The following TRUB1 variants were observed in gnomAD, a reference collection of about 807,000 sequenced individuals.
TRUB1 encodes pseudouridylate synthase TRUB1.
In TRUB1, 23 loss-of-function variants were observed where a neutral mutation model predicts 33.9. The observed-to-expected ratio is 0.68, with a 90% CI of 0.49 to 0.96. The LOEUF (loss-of-function observed/expected upper bound fraction) is 0.96, where lower values mean the gene tolerates loss of function less well. TRUB1 is among the 40% of genes least tolerant of loss of function. TRUB1 has a pLI of 0.00. For missense variants in TRUB1, 378 were observed against 422.2 expected (o/e 0.90, Z 0.92); for synonymous variants, 163 against 165.4 (o/e 0.99, Z 0.11).
At position 114,956,912 on chromosome 10, in the gene TRUB1, G is replaced by T. The variant is rs769556958; in HGVS notation, c.442-2814G>T. On this transcript the variant is annotated intron_variant, in intron 3 of 7. Coordinates refer to ENST00000298746, the MANE Select transcript of TRUB1 (RefSeq NM_139169.5). ...AAAGCAAAATGTTTGAGAACATTTTGATTTGATTTGATTTGAGAATGTTGA... is the reference window on the plus strand; with the variant it reads ...AAAGCAAAATGTTTGAGAACATTTTTATTTGATTTGATTTGAGAATGTTGA... 5.9e-4 allele frequency among the ~76,000 whole-genome samples: 90 copies of T among 152,266 alleles called. 1 individual carries two copies. The highest frequency in any genetic ancestry group is 2.0e-3 in the African/African-American group (85 of 41,550).
rs771602231 is a variant in TRUB1 at position 114,970,353 on chromosome 10, G to A, written c.524-15G>A. Reference sequence around the variant, plus strand: ...CTGTGGTTGTTTTAGTGTCTTTTTTGTTGATTTTTGGCAGATAAAATAACA... The same window carrying A: ...CTGTGGTTGTTTTAGTGTCTTTTTTATTGATTTTTGGCAGATAAAATAACA... On this transcript the variant is annotated splice_polypyrimidine_tract_variant and intron_variant, in intron 4 of 7. Coordinates refer to ENST00000298746, the MANE Select transcript of TRUB1 (RefSeq NM_139169.5). 3.2e-6 allele frequency: 5 copies of A among 1,579,504 alleles called. No individual in the cohort carries two copies. The highest frequency in any genetic ancestry group is 3.4e-4 in the Middle Eastern group (2 of 5,896).
At chr10:114,959,703 C>T in intron 3 of TRUB1, 23 bp from the exon 4 acceptor site, 1 of 1,545,768 alleles carries the variant, frequency 6.5e-7, no homozygotes. Flanking sequence ...GGCCCATTTT[C>T]TCTCTTGTTT....
chr10:114,946,497 A>G (rs535775721), intron 2 of TRUB1, among the ~76,000 whole-genome samples: 1 of 152,174 alleles, frequency 6.6e-6, no homozygotes, highest in Admixed American at 6.5e-5. Context: ...GACTGCCACC[A>G]TGCCCTGCTA....
chr10:114,969,121 CTT>C (rs71473075), intron 4 of TRUB1, among the ~76,000 whole-genome samples: 14 of 135,586 alleles, frequency 1.0e-4, no homozygotes, highest in Admixed American at 2.2e-4. Context: ...TATTTTTTGT[CTT>C]TTTTTTTTTT....
At position 114,975,244 on chromosome 10, in the gene TRUB1, G is replaced by A; in HGVS notation, c.915G>A (p.Glu305=). Reference sequence around the variant, plus strand: ...TTGATGACATTGCACAGTCTCTTGAGCATTGCTCATCTCTTTTCCCAGCAG... The same window carrying A: ...TTGATGACATTGCACAGTCTCTTGAACATTGCTCATCTCTTTTCCCAGCAG... ...WTIDDIAQSL[E]HCSSLFPAEL... Residue 305 remains glutamate, a synonymous_variant, in exon 8 of 8, where the codon GAG becomes GAA. Coordinates refer to ENST00000298746, the MANE Select transcript of TRUB1 (RefSeq NM_139169.5). 1.2e-6 allele frequency: 2 copies of A among 1,613,632 alleles called. No homozygotes were observed. The highest frequency in any genetic ancestry group is 1.3e-5 in the African/African-American group (1 of 74,978).
chr10:114,952,588 G>T (rs2084242093), intron 3 of TRUB1, among the ~76,000 whole-genome samples: 1 of 152,208 alleles, frequency 6.6e-6, no homozygotes, highest in Non-Finnish European at 1.5e-5. Context: ...CATATTGCAT[G>T]TGATGTCTCA....
intron 1 of TRUB1, among the ~76,000 whole-genome samples, chr10:114,941,400 C>G (rs2084186099): frequency 6.6e-6 from 1 of 151,436 alleles, no homozygotes; most frequent in South Asian, 2.1e-4. Context: ...TACAGTGGCA[C>G]AGTCTTGGCT....
chr10:114,959,502 G>T (rs938777706), intron 3 of TRUB1, among the ~76,000 whole-genome samples: 2 of 152,078 alleles, frequency 1.3e-5, no homozygotes, highest in Non-Finnish European at 2.9e-5. Context: ...ATAAAATCAG[G>T]TTTATCTTTC....
At chr10:114,951,288 A>G (rs1049347215) in intron 3 of TRUB1, 139 bp downstream of exon 3, 8 of 544,524 alleles carry the variant, frequency 1.5e-5, no homozygotes, top group African/African-American at 1.4e-4. Flanking sequence ...GTCTATAAAC[A>G]TATCTGAGAT....
At chr10:114,952,044 T>C (rs2084237935) in intron 3 of TRUB1, among the ~76,000 whole-genome samples, 1 of 152,222 alleles carries the variant, frequency 6.6e-6, no homozygotes, top group Non-Finnish European at 1.5e-5. Flanking sequence ...TACGGCAATG[T>C]AAAATTGCTA....
chr10:114,938,800 C>T (rs1422997922), intron 1 of TRUB1, among the ~76,000 whole-genome samples: 2 of 152,172 alleles, frequency 1.3e-5, no homozygotes, highest in Non-Finnish European at 2.9e-5. Context: ...TGCCCTTGGG[C>T]GTGCAGACCT....
chr10:114,966,218 G>A (rs186505567), intron 4 of TRUB1, among the ~76,000 whole-genome samples: 11 of 152,188 alleles, frequency 7.2e-5, no homozygotes, highest in African/African-American at 2.6e-4. Flanking sequence ...TTTTGCATAT[G>A]TACATCGTTT....
At chr10:114,946,677 A>G (rs2084212914) in intron 2 of TRUB1, among the ~76,000 whole-genome samples, 1 of 151,838 alleles carries the variant, frequency 6.6e-6, no homozygotes, top group Non-Finnish European at 1.5e-5. Flanking sequence ...ACAAACAAAC[A>G]AAACTAAAAC....
intron 3 of TRUB1, among the ~76,000 whole-genome samples, chr10:114,958,520 A>G (rs988880921): frequency 6.6e-6 from 1 of 152,228 alleles, no homozygotes; most frequent in Non-Finnish European, 1.5e-5. Flanking sequence ...CACTAGCCTC[A>G]TAAATTTGTC....
chr10:114,948,775 A>G (rs764790578), intron 2 of TRUB1, among the ~76,000 whole-genome samples: 3 of 152,222 alleles, frequency 2.0e-5, no homozygotes, highest in Non-Finnish European at 4.4e-5. Context: ...AGAAACCATC[A>G]TGAGTTCAGT....
intron 4 of TRUB1, among the ~76,000 whole-genome samples, chr10:114,965,098 T>C (rs1179500926): frequency 6.6e-6 from 1 of 151,806 alleles, no homozygotes; most frequent in East Asian, 1.9e-4. Flanking sequence ...CCTGGCTAAT[T>C]TTTTGTATTT....
intron 3 of TRUB1, among the ~76,000 whole-genome samples, chr10:114,955,310 G>A (rs2084257043): frequency 6.6e-6 from 1 of 152,178 alleles, no homozygotes; most frequent in East Asian, 1.9e-4. Flanking sequence ...GTACTTTGAA[G>A]GAACAGACAG....
rs759975795 is a variant in TRUB1, at chr10:114,958,368, G to T, written c.442-1358G>T. ...GAAATGCGTTGGAATATTCCCTTCT[G>T]TATTATATTTATTTTTAAAAAATCT... On this transcript the variant is annotated intron_variant, in intron 3 of 7. Transcript: ENST00000298746. Among the ~76,000 whole-genome samples, 26 of 152,078 alleles carry T rather than the reference G, an allele frequency of 1.7e-4. 1 individual carries two copies. The highest frequency in any genetic ancestry group is 2.9e-4 in the Non-Finnish European group (20 of 68,004).
chr10:114,973,630 G>T (rs1166045477), intron 6 of TRUB1, among the ~76,000 whole-genome samples: 1 of 152,150 alleles, frequency 6.6e-6, no homozygotes, highest in Non-Finnish European at 1.5e-5. Context: ...TCTTGCTGAT[G>T]GATAAAAATA....
Sources: allele counts gnomAD v4.1 joint callset (sites outside exome capture counted in the v4.1 genomes callset), GRCh38; gene constraint gnomAD v4.1.1; transcripts MANE v1.5; gene names NCBI Gene and HGNC (gene_info 2026-07-23, HGNC 2026-07-21).